The following NUTF2 variants were observed in gnomAD, a reference collection of about 807,000 sequenced individuals.
The protein encoded by NUTF2 is nuclear transport factor 2.
NUTF2 carries 3 observed loss-of-function variants against 18.5 expected under a neutral mutation model. That is an observed-to-expected ratio of 0.16 (90% CI 0.07 to 0.42). The LOEUF (loss-of-function observed/expected upper bound fraction) is 0.42, where lower values mean the gene tolerates loss of function less well. NUTF2 is among the 10% of genes least tolerant of loss of function. The pLI is 0.99. For missense variants in NUTF2, 44 were observed against 160.7 expected (o/e 0.27, Z 3.93); for synonymous variants, 51 against 57.9 (o/e 0.88, Z 0.54).
At chr16:67,862,266 C>G (rs1286608549) in intron 1 of NUTF2, among the ~76,000 whole-genome samples, 1 of 152,140 alleles carries the variant, frequency 6.6e-6, no homozygotes, top group South Asian at 2.1e-4. Flanking sequence ...TAGGGCAAGA[C>G]CCAGCGACAT....
At chr16:67,847,836 A>G (rs2057818263) in intron 1 of NUTF2, 1 of 152,302 alleles carries the variant, frequency 6.6e-6, no homozygotes, top group African/African-American at 2.4e-5. Context: ...GTGGGACTTA[A>G]TGCACGGGAA....
chr16:67,855,323 A>G (rs1051471640), intron 1 of NUTF2, among the ~76,000 whole-genome samples: 1 of 152,174 alleles, frequency 6.6e-6, no homozygotes, highest in African/African-American at 2.4e-5. Context: ...CTTAGTGGCC[A>G]AGGGAGAGGG....
intron 1 of NUTF2, chr16:67,855,932 G>A (rs993787662): frequency 1.5e-5 from 11 of 751,362 alleles, no homozygotes; most frequent in Non-Finnish European, 1.9e-5. Flanking sequence ...ATTTCATTGC[G>A]GGGAGTGGGC....
intron 1 of NUTF2, among the ~76,000 whole-genome samples, chr16:67,859,647 C>T (rs1452323507): frequency 6.6e-6 from 1 of 151,434 alleles, no homozygotes; most frequent in Admixed American, 6.6e-5. Flanking sequence ...CGTGAGCCAC[C>T]GCGCCTGACC....
At chr16:67,853,392 CT>C (rs2057874244) in intron 1 of NUTF2, among the ~76,000 whole-genome samples, 1 of 152,104 alleles carries the variant, frequency 6.6e-6, no homozygotes, top group African/African-American at 2.4e-5. Flanking sequence ...GAGTCTCACT[CT>C]GTCTCCCAGG....
chr16:67,862,551 C>T (rs1163543719), intron 1 of NUTF2, among the ~76,000 whole-genome samples: 1 of 152,186 alleles, frequency 6.6e-6, no homozygotes, highest in Non-Finnish European at 1.5e-5. Context: ...AAAGTTATCA[C>T]AGGCCAGTTA....
chr16:67,863,032 C>G (rs1197573567), intron 1 of NUTF2, among the ~76,000 whole-genome samples: 1 of 152,178 alleles, frequency 6.6e-6, no homozygotes, highest in Non-Finnish European at 1.5e-5. Context: ...CATTGAGTGA[C>G]TAAGCATAGC....
chr16:67,870,546 G>A, intron 4 of NUTF2: 1 of 477,168 alleles, frequency 2.1e-6, no homozygotes, highest in Non-Finnish European at 3.7e-6. Flanking sequence ...GTAGCTAAGG[G>A]TGAATTATTG....
At chr16:67,850,205 C>CTTTTTTTTTTTT (rs768001106) in intron 1 of NUTF2, among the ~76,000 whole-genome samples, 1 of 149,732 alleles carries the variant, frequency 6.7e-6, no homozygotes, top group Non-Finnish European at 1.5e-5. Context: ...TTCCCTGTAA[C>CTTTTTTTTTTTT]TTCTTTTTTT....
chr16:67,869,284 T>C (rs2057995641), intron 4 of NUTF2, among the ~76,000 whole-genome samples: 1 of 151,100 alleles, frequency 6.6e-6, no homozygotes, highest in Non-Finnish European at 1.5e-5. Flanking sequence ...AGGGTTTCAC[T>C]ATGTTGGCCA....
chr16:67,850,030 G>C (rs561236037), intron 1 of NUTF2, among the ~76,000 whole-genome samples: 1 of 152,002 alleles, frequency 6.6e-6, no homozygotes, highest in South Asian at 2.1e-4. Context: ...GAGTTCAAGC[G>C]ATACTCCCAC....
chr16:67,854,883 G>A (rs182163261), intron 1 of NUTF2, among the ~76,000 whole-genome samples: 64 of 152,122 alleles, frequency 4.2e-4, no homozygotes, highest in African/African-American at 1.5e-3. Context: ...CGGAGGTTGC[G>A]GTGAGCCAAG....
chr16:67,859,152 C>T (rs970937329), intron 1 of NUTF2, among the ~76,000 whole-genome samples: 19 of 151,756 alleles, frequency 1.3e-4, no homozygotes, highest in African/African-American at 3.9e-4. Context: ...ACCCGCAAGA[C>T]GCTTTTTACA....
In NUTF2 at chr16:67,868,784, TTA is replaced by T. The variant is rs2057992220; in HGVS notation, c.270+186_270+187del. The stretch of plus-strand genomic sequence containing the variant: ...GGTGGCAATTTTTAAGTTATATTAA[TTA>T]AGATTAAATAAAATGTACTTCTTCG... On this transcript the variant is annotated intron_variant, in intron 4 of 4. Transcript: ENST00000219169. 5.6e-6 allele frequency: 3 copies of T among 536,554 alleles called. No homozygotes were observed. In the South Asian group the frequency reaches 6.8e-5, roughly 12 times the overall value. 33.2% of individuals were successfully genotyped at this position (536,554 alleles called of 1,614,324 possible).
intron 1 of NUTF2, among the ~76,000 whole-genome samples, chr16:67,852,815 G>C (rs2057869901): frequency 6.6e-6 from 1 of 151,932 alleles, no homozygotes; most frequent in Non-Finnish European, 1.5e-5. Flanking sequence ...TAGTAGCTGG[G>C]ATTACAGGCA....
intron 2 of NUTF2, 28 bp from the exon 3 acceptor site, chr16:67,868,312 A>G (rs745588794): frequency 3.2e-5 from 51 of 1,610,806 alleles, no homozygotes; most frequent in Non-Finnish European, 4.3e-5. Context: ...TGAGGCCCCA[A>G]CCCTGGGGTT....
intron 2 of NUTF2, among the ~76,000 whole-genome samples, chr16:67,865,719 C>CT (rs767485714): frequency 0.016 from 2,254 of 136,818 alleles, 32 homozygotes; most frequent in African/African-American, 0.038. Flanking sequence ...GCTGGCTGCT[C>CT]TTTTTTTTTT....
chr16:67,847,001 A>C lies in NUTF2; in HGVS notation c.-30+16A>C, dbSNP rs902641744. The C allele has an allele frequency of 6.6e-6, 1 of 151,346 alleles. No individual in the cohort carries two copies. Among genetic ancestry groups the C allele is most frequent in the Non-Finnish European group, 1.5e-5 (1 of 67,876 alleles). 9.4% of individuals were successfully genotyped at this position (151,346 alleles called of 1,614,324 possible). A position where few individuals can be genotyped will look rare whatever the true frequency, so the allele number is the denominator to read the frequency against. ...AGCCCCTCGGGTGAGTGTCGGGGCC[A>C]GCACGCCGGGGCGGGGGCTGGGCCG... On this transcript the variant is annotated intron_variant, in intron 1 of 4. Coordinates refer to ENST00000219169, the MANE Select transcript of NUTF2 (RefSeq NM_005796.3).
At chr16:67,867,646 G>A (rs1343964771) in intron 2 of NUTF2, among the ~76,000 whole-genome samples, 2 of 152,054 alleles carry the variant, frequency 1.3e-5, no homozygotes, top group Non-Finnish European at 2.9e-5. Flanking sequence ...ACTTAGCCTC[G>A]GCCCTGGAGG....
Sources: gnomAD v4.1 joint callset for allele counts (sites outside exome capture counted in the v4.1 genomes callset) on GRCh38, gnomAD v4.1.1 for gene constraint, MANE v1.5 for transcripts, NCBI Gene and HGNC (gene_info 2026-07-23, HGNC 2026-07-21) for gene names.